Variants in USP30 observed in about 807,000 individuals in gnomAD.
USP30 encodes the protein ubiquitin specific peptidase 30.
USP30 carries 41 observed loss-of-function variants against 68.2 expected under a neutral mutation model. The ratio of observed to expected loss-of-function variants is 0.60; its 90% CI spans 0.47 to 0.78. The LOEUF is 0.78. Among genes scored for constraint, USP30 ranks in the 30% least tolerant of loss-of-function variants. The pLI, the probability that USP30 is intolerant of heterozygous loss-of-function variation, is 0.00. For synonymous variants in USP30, 229 were observed against 253.7 expected (o/e 0.90, Z 0.93); for missense variants, 522 against 649.4 (o/e 0.80, Z 2.13).
In USP30 at chr12:109,073,887, AAGAG is replaced by A. The variant is rs565423536; in HGVS notation, c.720+359_720+362del. 9.2e-5 allele frequency among the ~76,000 whole-genome samples: 14 copies of A among 152,320 alleles called. No homozygotes were observed. In the South Asian group the frequency reaches 2.3e-3, roughly 25 times the overall value. On this transcript the variant is annotated intron_variant, in intron 7 of 12. Coordinates refer to ENST00000257548, the MANE Select transcript of USP30 (RefSeq NM_032663.5). ...TGGAAAATTTCCAACATCATACAAA[AAGAG>A]AGAATTGTACAACTGTCACCCCAAT...
chr12:109,054,042 G>A (rs1288965833), intron 1 of USP30: 2 of 455,878 alleles, frequency 4.4e-6, no homozygotes, highest in Non-Finnish European at 8.8e-6. Flanking sequence ...TTAAAAATGA[G>A]GTAAGATTGT....
rs753067108 is a variant in USP30, at chr12:109,085,822, G to T, written c.1445G>T (p.Arg482Leu). 3.7e-6 allele frequency: 6 copies of T among 1,614,160 alleles called. No homozygotes were observed. The highest frequency in any genetic ancestry group is 1.1e-5 in the South Asian group (1 of 91,082). ...CTGTGGGTCTCCGATGACACTGTCC[G>T]CAAGGCCAGCCTGCAGGAGGTCCTG... ...QWLWVSDDTVRKASLQEVLSS... is the reference protein window; with the variant it reads ...QWLWVSDDTVLKASLQEVLSS... The change falls in exon 13 of 13, where the codon CGC becomes CTC. Residue 482 changes from arginine (R) to leucine (L), a missense_variant. Transcript: ENST00000257548.
upstream of USP30, among the ~76,000 whole-genome samples, chr12:109,049,536 C>T (rs572449472): frequency 1.3e-5 from 2 of 152,276 alleles, no homozygotes; most frequent in African/African-American, 4.8e-5. Context: ...ACTTTGGGAC[C>T]AGGCACGGTG....
rs1002826540 is a variant in USP30 at position 109,085,966 on chromosome 12, T to C, written c.*35T>C. ...CCTGCAAGGCTAGAGCTGATGGCAC[T>C]GTCTGCACTGTCCAGGAAAAAAGTA... On this transcript the variant is annotated 3_prime_UTR_variant, in exon 13 of 13. Transcript: ENST00000257548. 4.4e-6 allele frequency: 7 copies of C among 1,596,354 alleles called. No homozygotes were observed. The highest frequency in any genetic ancestry group is 6.0e-6 in the Non-Finnish European group (7 of 1,169,674).
intron 3 of USP30, among the ~76,000 whole-genome samples, chr12:109,039,235 T>C (rs1292657101): frequency 2.0e-5 from 3 of 152,172 alleles, no homozygotes; most frequent in African/African-American, 7.2e-5. Context: ...TAACTTTCAA[T>C]TGTAGATCTA....
chr12:109,081,322 T>A lies in USP30; in HGVS notation c.721-12T>A, dbSNP rs1463113446. The A allele has an allele frequency of 6.2e-7, 1 of 1,613,620 alleles. No homozygotes were observed. Among genetic ancestry groups the A allele is most frequent in the African/African-American group, 1.3e-5 (1 of 75,032 alleles). ...TAAATCGTTTCTGGATTTTCTGCAA[T>A]ATTTCTTTCAGAGTCCTGTTCGATT... On this transcript the variant is annotated splice_polypyrimidine_tract_variant and intron_variant, in intron 7 of 12. Coordinates refer to ENST00000257548, the MANE Select transcript of USP30 (RefSeq NM_032663.5).
In USP30 at chr12:109,052,732, G is replaced by C. The variant is rs758882777; in HGVS notation, c.54G>C (p.Gln18His). The C allele has an allele frequency of 1.6e-5, 24 of 1,466,098 alleles. No individual in the cohort carries two copies. In the South Asian group the frequency reaches 3.2e-4, roughly 19 times the overall value. The allele number at this position is 1,466,098 out of a possible 1,614,324, so 90.8% of individuals were successfully genotyped here. Reference protein sequence around the residue: ...AAMTAADRAIQRFLRTGAAVR... With the variant: ...AAMTAADRAIHRFLRTGAAVR... The stretch of plus-strand genomic sequence containing the variant: ...TGACCGCGGCCGACAGGGCCATCCA[G>C]CGCTTCCTGCGGACCGGGGCGGCCG... Residue 18 changes from glutamine (Q) to histidine (H), a missense_variant, in exon 1 of 13, where the codon CAG (glutamine) becomes CAC (histidine). Gln to His is a conservative substitution (Grantham distance 24). Transcript: ENST00000257548.
At chr12:109,038,215 C>G (rs1316551852) in intron 3 of USP30, among the ~76,000 whole-genome samples, 1 of 137,872 alleles carries the variant, frequency 7.3e-6, no homozygotes, top group Non-Finnish European at 1.6e-5. Context: ...GCCCCCCTCC[C>G]CACCTGCCAG....
At chr12:109,037,945 A>G (rs918009740) in intron 3 of USP30, among the ~76,000 whole-genome samples, 5 of 152,118 alleles carry the variant, frequency 3.3e-5, no homozygotes, top group African/African-American at 1.2e-4. Context: ...CCTTCTAGAT[A>G]CTCAGAATTA....
intron 3 of USP30, among the ~76,000 whole-genome samples, chr12:109,067,107 A>ATTTTTTTTTTT (rs754748366): frequency 9.6e-6 from 1 of 104,570 alleles, no homozygotes; most frequent in African/African-American, 4.2e-5. Flanking sequence ...ACAGTCCTTA[A>ATTTTTTTTTTT]TTTTTTTTTT....
At position 109,083,207 on chromosome 12, in the gene USP30, G is replaced by A. The variant is rs766278965; in HGVS notation, c.1168+145G>A. ...ACTCTTGAGAACAGCAGGATTGGGG[G>A]TGGAAGAGGGAAGATTTCTTAGAAG... On this transcript the variant is annotated intron_variant, in intron 11 of 12. Coordinates refer to ENST00000257548, the MANE Select transcript of USP30 (RefSeq NM_032663.5). 3 of 781,240 alleles carry A rather than the reference G, an allele frequency of 3.8e-6. No individual in the cohort carries two copies. The South Asian group carries it at 7.7e-5, about 20-fold the overall frequency. The allele number at this position is 781,240 out of a possible 1,614,324, so 48.4% of individuals were successfully genotyped here.
chr12:109,055,547 C>G (rs2040843632), intron 1 of USP30, among the ~76,000 whole-genome samples: 2 of 147,378 alleles, frequency 1.4e-5, no homozygotes, highest in South Asian at 4.3e-4. Flanking sequence ...TTACAGGCAC[C>G]TGCCACCACA....
Position 109,087,692 on chromosome 12 carries a change from T to G in USP30, c.*1761T>G, listed in dbSNP as rs954337899. On this transcript the variant is annotated 3_prime_UTR_variant, in exon 13 of 13. Transcript: ENST00000257548. ...TCTGAAATCTACCATCAAAGAAAGA[T>G]AGAGAAAAGGGGCTGAGCCTTGGAA... The G allele has an allele frequency of 6.6e-6, 1 of 152,236 alleles. No individual in the cohort carries two copies. The highest frequency in any genetic ancestry group is 2.4e-5 in the African/African-American group (1 of 41,442). The allele number at this position is 152,236 out of a possible 1,614,324, so 9.4% of individuals were successfully genotyped here.
intron 11 of USP30, among the ~76,000 whole-genome samples, chr12:109,084,732 TGGAGC>T (rs1306978771): frequency 6.6e-6 from 1 of 152,254 alleles, no homozygotes; most frequent in Non-Finnish European, 1.5e-5. Context: ...GCCGTAAAGC[TGGAGC>T]TAGATACACT....
upstream of USP30, among the ~76,000 whole-genome samples, chr12:109,049,645 T>C (rs1944175772): frequency 6.6e-6 from 1 of 151,692 alleles, no homozygotes; most frequent in South Asian, 2.1e-4. Context: ...TGGAACCCCA[T>C]CTCTACTAAA....
At chr12:109,026,089 T>G (rs1185898178) in intron 2 of USP30, among the ~76,000 whole-genome samples, 1 of 152,148 alleles carries the variant, frequency 6.6e-6, no homozygotes, top group Non-Finnish European at 1.5e-5. Flanking sequence ...TAAAATAAAT[T>G]TTTTGAAACA....
chr12:109,066,064 C>A (rs761312384), intron 3 of USP30, among the ~76,000 whole-genome samples: 2 of 151,820 alleles, frequency 1.3e-5, no homozygotes, highest in Non-Finnish European at 2.9e-5. Context: ...CCAGCCTGGG[C>A]AACATGGTGA....
chr12:109,035,332 A>G (rs987441054), intron 3 of USP30, among the ~76,000 whole-genome samples: 4 of 151,288 alleles, frequency 2.6e-5, no homozygotes, highest in Non-Finnish European at 5.9e-5. Flanking sequence ...TACCATTACC[A>G]TTTCAATTTG....
At chr12:109,071,001 G>A (rs901701799) in intron 4 of USP30, among the ~76,000 whole-genome samples, 2 of 152,188 alleles carry the variant, frequency 1.3e-5, no homozygotes, top group African/African-American at 4.8e-5. Context: ...GCTTGAAGAC[G>A]TTATGCCGAG....
Sources: allele counts gnomAD v4.1 joint callset (sites outside exome capture counted in the v4.1 genomes callset), GRCh38; gene constraint gnomAD v4.1.1; transcripts MANE v1.5; gene names NCBI Gene and HGNC (gene_info 2026-07-23, HGNC 2026-07-21).